Variants in LY86 observed in about 807,000 individuals in gnomAD.
LY86 encodes lymphocyte antigen 86, also known as MD-1, RP105-associated.
In LY86, 20 loss-of-function variants were observed where a neutral mutation model predicts 17.3. That is an observed-to-expected ratio of 1.15 (90% CI 0.81 to 1.68). The LOEUF is 1.68. LY86 is among the 40% of genes most tolerant of loss of function. The probability of loss-of-function intolerance (pLI) is 0.00; values close to 1 mark genes in which losing one functional copy is unlikely to be tolerated. For missense variants in LY86, 200 were observed against 191.9 expected (o/e 1.04, Z -0.25); for synonymous variants, 74 against 70.6 (o/e 1.05, Z -0.24).
At chr6:6,651,430 C>G (rs1762184888) in intron 4 of LY86, among the ~76,000 whole-genome samples, 1 of 152,154 alleles carries the variant, frequency 6.6e-6, no homozygotes, top group South Asian at 2.1e-4. Flanking sequence ...GTCTCCAGCC[C>G]TCTCCCTCTG....
intron 1 of LY86, among the ~76,000 whole-genome samples, chr6:6,620,556 G>A (rs541135791): frequency 6.6e-6 from 1 of 152,172 alleles, no homozygotes; most frequent in Non-Finnish European, 1.5e-5. Flanking sequence ...GTGTACCCGG[G>A]CCCCCACCAT....
chr6:6,602,649 G>A lies in LY86; in HGVS notation c.136+13779G>A, dbSNP rs562657151. On this transcript the variant is annotated intron_variant, in intron 1 of 4. Coordinates refer to ENST00000230568, the MANE Select transcript of LY86 (RefSeq NM_004271.4). ...GAAGCCAGCGCAGGCCACCACTGTG[G>A]GTAACTGGGGTTCAGTCCTGGGGAC... Among the ~76,000 whole-genome samples the A allele has an allele frequency of 1.9e-4, 29 of 152,230 alleles. No individual in the cohort carries two copies. The South Asian group carries it at 6.0e-3, about 32-fold the overall frequency.
At chr6:6,616,813 T>C (rs956654510) in intron 1 of LY86, among the ~76,000 whole-genome samples, 1 of 152,272 alleles carries the variant, frequency 6.6e-6, no homozygotes, top group Non-Finnish European at 1.5e-5. Context: ...TCTTTGCAGC[T>C]GTGCAGTCAC....
At chr6:6,595,451 AAG>A (rs1484719309) in intron 1 of LY86, among the ~76,000 whole-genome samples, 2 of 151,348 alleles carry the variant, frequency 1.3e-5, no homozygotes, top group African/African-American at 4.9e-5. Context: ...GGAGTGGAAA[AAG>A]AAGAGAGGGA....
chr6:6,597,918 C>A (rs2113082287), intron 1 of LY86, among the ~76,000 whole-genome samples: 1 of 152,378 alleles, frequency 6.6e-6, no homozygotes, highest in Non-Finnish European at 1.5e-5. Context: ...ACCTTCCCTT[C>A]TGGCCAGTGG....
intron 1 of LY86, among the ~76,000 whole-genome samples, chr6:6,604,413 C>G (rs1009357793): frequency 3.3e-5 from 5 of 150,078 alleles, no homozygotes; most frequent in African/African-American, 7.4e-5. Flanking sequence ...AAAATAAGAC[C>G]CTTTAAAATG....
At chr6:6,602,522 C>T (rs1760941407) in intron 1 of LY86, among the ~76,000 whole-genome samples, 1 of 152,152 alleles carries the variant, frequency 6.6e-6, no homozygotes, top group African/African-American at 2.4e-5. Flanking sequence ...TTTAGAGTTT[C>T]CTCAGAAATG....
intron 1 of LY86, among the ~76,000 whole-genome samples, chr6:6,612,580 C>G (rs1399549332): frequency 2.0e-5 from 3 of 149,564 alleles, no homozygotes; most frequent in South Asian, 2.2e-4. Context: ...GAGCCTGCAG[C>G]CTGACTTTAT....
At chr6:6,598,299 TTTC>T (rs1305453364) in intron 1 of LY86, among the ~76,000 whole-genome samples, 1 of 152,250 alleles carries the variant, frequency 6.6e-6, no homozygotes, top group Non-Finnish European at 1.5e-5. Context: ...ACTCATTTTT[TTTC>T]TTAACCTCAT....
chr6:6,590,118 TAAAAAAAAA>T (rs34637229), intron 1 of LY86, among the ~76,000 whole-genome samples: 9 of 80,576 alleles, frequency 1.1e-4, no homozygotes, highest in Non-Finnish European at 1.8e-4. Flanking sequence ...AACTCTGTCT[TAAAAAAAAA>T]AAAAAAAAAA....
chr6:6,610,335 T>G (rs1310846128), intron 1 of LY86, among the ~76,000 whole-genome samples: 1 of 152,128 alleles, frequency 6.6e-6, no homozygotes, highest in Non-Finnish European at 1.5e-5. Context: ...AAAAAGATTT[T>G]ATTTTAAAAA....
At chr6:6,605,516 G>T (rs541461027) in intron 1 of LY86, among the ~76,000 whole-genome samples, 1 of 152,236 alleles carries the variant, frequency 6.6e-6, no homozygotes, top group Admixed American at 6.5e-5. Flanking sequence ...GCCATGGGGG[G>T]TCTCCCCACA....
chr6:6,603,603 C>CAACAAAAAAAAAAA (rs1207511602), intron 1 of LY86, among the ~76,000 whole-genome samples: 1 of 70,464 alleles, frequency 1.4e-5, no homozygotes, highest in Non-Finnish European at 3.2e-5. Flanking sequence ...AAAACAGAAA[C>CAACAAAAAAAAAAA]AGAAAAAAAA....
chr6:6,619,620 G>T (rs1761629216), intron 1 of LY86, among the ~76,000 whole-genome samples: 1 of 152,200 alleles, frequency 6.6e-6, no homozygotes, highest in South Asian at 2.1e-4. Context: ...TGCCTCTATT[G>T]GAAGCATGCT....
chr6:6,597,704 G>A (rs928554458), intron 1 of LY86, among the ~76,000 whole-genome samples: 1 of 152,234 alleles, frequency 6.6e-6, no homozygotes, highest in African/African-American at 2.4e-5. Context: ...ATGGGACCCA[G>A]GAAGGCATCA....
intron 1 of LY86, among the ~76,000 whole-genome samples, chr6:6,612,041 G>A (rs528893162): frequency 1.3e-4 from 19 of 140,954 alleles, no homozygotes; most frequent in African/African-American, 4.7e-4. Flanking sequence ...TATTAGGAGA[G>A]AGCAAATTGA....
In LY86 at chr6:6,594,623, A is replaced by ATGAT. The variant is rs1003899423; in HGVS notation, c.136+5755_136+5758dup. On this transcript the variant is annotated intron_variant, in intron 1 of 4. Coordinates refer to ENST00000230568, the MANE Select transcript of LY86 (RefSeq NM_004271.4). The stretch of plus-strand genomic sequence containing the variant: ...GAGTCTCAAGTTCCAGGCCTTCCAG[A>ATGAT]TGATTCTACCCACAGAGAGGCTGCA... Among the ~76,000 whole-genome samples the ATGAT allele has an allele frequency of 5.6e-4, 85 of 152,308 alleles. 1 individual carries two copies. Among genetic ancestry groups the ATGAT allele is most frequent in the African/African-American group, 2.0e-3 (83 of 41,560 alleles).
At chr6:6,635,543 G>C (rs969080467) in intron 3 of LY86, among the ~76,000 whole-genome samples, 1 of 152,126 alleles carries the variant, frequency 6.6e-6, no homozygotes, top group African/African-American at 2.4e-5. Flanking sequence ...GCAGATAAGG[G>C]GGACTATTGT....
rs1286652634 is a variant in LY86 at position 6,588,730 on chromosome 6, C to T, written c.-5C>T. The T allele has an allele frequency of 6.2e-7, 1 of 1,613,976 alleles. No homozygotes were observed. The stretch of plus-strand genomic sequence containing the variant: ...TTTTCTGTGTGTCCCATACAGGCCC[C>T]CACCATGAAGGGTTTCACAGCCACT... On this transcript the variant is annotated 5_prime_UTR_variant, in exon 1 of 5. Coordinates refer to ENST00000230568, the MANE Select transcript of LY86 (RefSeq NM_004271.4).
Sources: gnomAD v4.1 joint callset for allele counts (sites outside exome capture counted in the v4.1 genomes callset) on GRCh38, gnomAD v4.1.1 for gene constraint, MANE v1.5 for transcripts, NCBI Gene and HGNC (gene_info 2026-07-23, HGNC 2026-07-21) for gene names.